FRRS1: variants seen among roughly 807,000 people sequenced by gnomAD.
FRRS1 encodes the protein ferric reductase 1.
FRRS1 carries 51 observed loss-of-function variants against 70.7 expected under a neutral mutation model. That is an observed-to-expected ratio of 0.72 (90% CI 0.58 to 0.91). The LOEUF is 0.91. Ranked by LOEUF, FRRS1 falls within the 40% of genes least tolerant of loss-of-function variation. The pLI is 0.00. For missense variants in FRRS1, 672 were observed against 726.0 expected, an observed-to-expected ratio of 0.93 and a Z score of 0.86; for synonymous variants, 225 against 238.7, an observed-to-expected ratio of 0.94 and a Z score of 0.53.
Position 99,711,341 on chromosome 1 carries a change from A to G in FRRS1, c.1481-392T>C, listed in dbSNP as rs114341408. ...TCTATCTTTATGTCCGTGTGTACTC[A>G]TTGTTTAGCTCACATTTATAAGTGA... On this transcript the variant is annotated intron_variant, in intron 14 of 16. Coordinates refer to ENST00000646001, the MANE Select transcript of FRRS1 (RefSeq NM_001361041.2). 6.0e-3 allele frequency: 996 copies of G among 165,268 alleles called. 10 individuals carry two copies. The highest frequency in any genetic ancestry group is 0.022 in the African/African-American group (931 of 42,008). 10.2% of individuals were successfully genotyped at this position (165,268 alleles called of 1,614,324 possible).
chr1:99,757,651 T>C (rs1433271225), intron 1 of FRRS1, among the ~76,000 whole-genome samples: 1 of 152,200 alleles, frequency 6.6e-6, no homozygotes, highest in Non-Finnish European at 1.5e-5. Flanking sequence ...ATTGGTTGCA[T>C]TTTTGTTTTT....
At chr1:99,734,796 A>G (rs964426544) in intron 7 of FRRS1, among the ~76,000 whole-genome samples, 2 of 152,180 alleles carry the variant, frequency 1.3e-5, no homozygotes, top group Non-Finnish European at 1.5e-5. Context: ...GGCATAATAA[A>G]AAGTTCAGTC....
intron 9 of FRRS1, among the ~76,000 whole-genome samples, chr1:99,727,639 T>TTTTACCCC (rs1435345515): frequency 6.6e-6 from 1 of 152,202 alleles, no homozygotes; most frequent in African/African-American, 2.4e-5. Context: ...TCTTCCTTTC[T>TTTTACCCC]TTTACCCCAT....
At chr1:99,731,807 C>T (rs537483340) in intron 7 of FRRS1, among the ~76,000 whole-genome samples, 4 of 152,086 alleles carry the variant, frequency 2.6e-5, no homozygotes, top group South Asian at 4.1e-4. Flanking sequence ...TTACAGAAAA[C>T]GTTTTTTGAA....
intron 2 of FRRS1, 62 bp downstream of exon 2, chr1:99,748,835 T>A (rs1416237): frequency 0.37 from 431,915 of 1,159,126 alleles, 91,779 homozygotes; most frequent in African/African-American, 0.85. Flanking sequence ...TTTACACAAC[T>A]GGACCATAAT....
intron 9 of FRRS1, among the ~76,000 whole-genome samples, chr1:99,725,293 T>G (rs1289314658): frequency 6.6e-6 from 1 of 152,212 alleles, no homozygotes; most frequent in Non-Finnish European, 1.5e-5. Flanking sequence ...GGATCCCTGA[T>G]GTACACTATA....
At chr1:99,757,931 TA>T (rs1233108209) in intron 1 of FRRS1, among the ~76,000 whole-genome samples, 4 of 141,198 alleles carry the variant, frequency 2.8e-5, no homozygotes, top group Admixed American at 2.2e-4. Flanking sequence ...TTTGCCAGGC[TA>T]AGGAGAATGC....
rs1048438615 is a variant in FRRS1, at chr1:99,725,846, G to T, written c.1006+2647C>A. Among the ~76,000 whole-genome samples, 7 of 152,256 alleles carry T rather than the reference G, an allele frequency of 4.6e-5. 1 individual carries two copies. In the South Asian group the frequency reaches 1.5e-3, roughly 32 times the overall value. On this transcript the variant is annotated intron_variant, in intron 9 of 16. Transcript: ENST00000646001. ...CACATTTAAAATTTATTATACAACA[G>T]AATTCCTCCATTTAAATGAAATAGT...
intron 1 of FRRS1, among the ~76,000 whole-genome samples, chr1:99,755,146 G>A (rs1656768287): frequency 6.6e-6 from 1 of 152,022 alleles, no homozygotes; most frequent in African/African-American, 2.4e-5. Flanking sequence ...GCAGCCAAGT[G>A]CAGTAGTTCA....
At position 99,706,902 on chromosome 1, in the gene FRRS1, A is replaced by AG. The variant is rs1480314935; in HGVS notation, c.*2125_*2126insC. ...GTGAGACTTTGTCACAAAAAAAAAAAAGAGAGAATTTTTCTTTGTCAGATG... is the reference window on the plus strand; with the variant it reads ...GTGAGACTTTGTCACAAAAAAAAAAAGAGAGAGAATTTTTCTTTGTCAGATG... On this transcript the variant is annotated 3_prime_UTR_variant, in exon 17 of 17. Coordinates refer to ENST00000646001, the MANE Select transcript of FRRS1 (RefSeq NM_001361041.2). Among the ~76,000 whole-genome samples the AG allele has an allele frequency of 2.6e-5, 4 of 152,066 alleles. No individual in the cohort carries two copies. The highest frequency in any genetic ancestry group is 1.9e-4 in the East Asian group (1 of 5,198).
At chr1:99,729,498 C>G (rs528592192) in intron 8 of FRRS1, 152 bp downstream of exon 8, 2 of 533,142 alleles carry the variant, frequency 3.8e-6, no homozygotes, top group Non-Finnish European at 6.8e-6. Flanking sequence ...TCTCAGAAAT[C>G]ATTATGAGAG....
At position 99,747,450 on chromosome 1, in the gene FRRS1, G is replaced by A. The variant is rs770571804; in HGVS notation, c.197-20C>T. ...AAGTAACTGAGAAAAAGACAAAAGG[G>A]TTGGTTAAAAAGCTTAGTAATATCA... On this transcript the variant is annotated intron_variant, in intron 3 of 16. Transcript: ENST00000646001. 1.3e-5 allele frequency: 21 copies of A among 1,603,216 alleles called. No individual in the cohort carries two copies. The highest frequency in any genetic ancestry group is 1.7e-5 in the Admixed American group (1 of 57,224).
Position 99,706,546 on chromosome 1 carries a change from T to C in FRRS1, c.*2482A>G, listed in dbSNP as rs375271920. ...AATATCTTAGCCTCAACACTCGAAA[T>C]ATAGCAAGCCCACATATTTGAAGAC... is the stretch of plus-strand genomic sequence containing the variant. On this transcript the variant is annotated 3_prime_UTR_variant, in exon 17 of 17. Coordinates refer to ENST00000646001, the MANE Select transcript of FRRS1 (RefSeq NM_001361041.2). 5.5e-4 allele frequency among the ~76,000 whole-genome samples: 83 copies of C among 152,156 alleles called. No homozygotes were observed. The highest frequency in any genetic ancestry group is 2.0e-3 in the African/African-American group (82 of 41,486).
At chr1:99,719,991 A>T (rs1654735713) in intron 9 of FRRS1, among the ~76,000 whole-genome samples, 1 of 151,702 alleles carries the variant, frequency 6.6e-6, no homozygotes. Context: ...TGAAAATGTT[A>T]AAAAAAATAT....
At chr1:99,766,402 AG>A (rs1435746455) in intron 1 of FRRS1, among the ~76,000 whole-genome samples, 1 of 152,212 alleles carries the variant, frequency 6.6e-6, no homozygotes, top group Admixed American at 6.5e-5. Flanking sequence ...TCAAAGTCAC[AG>A]GACATATTAA....
At chr1:99,732,792 T>C (rs945211082) in intron 7 of FRRS1, among the ~76,000 whole-genome samples, 1 of 151,948 alleles carries the variant, frequency 6.6e-6, no homozygotes, top group South Asian at 2.1e-4. Flanking sequence ...TATTATATAA[T>C]TCTATAATTA....
intron 3 of FRRS1, 157 bp downstream of exon 3, chr1:99,748,416 T>A: frequency 3.2e-6 from 2 of 627,756 alleles, no homozygotes. Flanking sequence ...ACTACTTAAG[T>A]AATACAGTCA....
chr1:99,748,480 A>C, intron 3 of FRRS1, 93 bp downstream of exon 3: 2 of 1,046,356 alleles, frequency 1.9e-6, no homozygotes, highest in South Asian at 2.8e-5. Flanking sequence ...AAACAGATTT[A>C]AGTGAAATCT....
At chr1:99,737,477 TG>T (rs1655730035) in intron 7 of FRRS1, among the ~76,000 whole-genome samples, 1 of 152,262 alleles carries the variant, frequency 6.6e-6, no homozygotes, top group Non-Finnish European at 1.5e-5. Flanking sequence ...TGACATTTTA[TG>T]CAGAACAACT....
Sources: allele counts gnomAD v4.1 joint callset (sites outside exome capture counted in the v4.1 genomes callset), GRCh38; gene constraint gnomAD v4.1.1; transcripts MANE v1.5; gene names NCBI Gene and HGNC (gene_info 2026-07-23, HGNC 2026-07-21).